NAPG: variants seen among roughly 807,000 people sequenced by gnomAD.
NAPG encodes the protein gamma-soluble NSF attachment protein.
In NAPG, 25 loss-of-function variants were observed where a neutral mutation model predicts 48.4. That is an observed-to-expected ratio of 0.52 (90% CI 0.38 to 0.72). The LOEUF (loss-of-function observed/expected upper bound fraction) is 0.72. Among genes scored for constraint, NAPG ranks in the 30% least tolerant of loss-of-function variants. NAPG has a pLI of 0.00. For synonymous variants in NAPG, 139 were observed against 127.2 expected (o/e 1.09, Z -0.62); for missense variants, 359 against 372.5 (o/e 0.96, Z 0.30).
chr18:10,537,449 A>C (rs2032058678), intron 5 of NAPG, among the ~76,000 whole-genome samples: 1 of 152,206 alleles, frequency 6.6e-6, no homozygotes, highest in African/African-American at 2.4e-5. Flanking sequence ...CTTCATCCTC[A>C]TCATAGTCTT....
chr18:10,529,552 G>A (rs539132179), intron 1 of NAPG, among the ~76,000 whole-genome samples: 11 of 152,194 alleles, frequency 7.2e-5, no homozygotes, highest in Admixed American at 1.3e-4. Flanking sequence ...CCAGGAGTTC[G>A]AGACCACCTG....
chr18:10,541,004 G>C (rs942340154), intron 8 of NAPG, among the ~76,000 whole-genome samples: 6 of 152,132 alleles, frequency 3.9e-5, no homozygotes, highest in Admixed American at 3.9e-4. Flanking sequence ...TAAGTCTGCA[G>C]ATATCTTAAT....
Position 10,539,706 on chromosome 18 carries a change from T to G in NAPG, c.259-56T>G. On this transcript the variant is annotated intron_variant, in intron 5 of 11. Transcript: ENST00000322897. The surrounding 1 kb of genome is among the most constrained non-coding windows in gnomAD (Gnocchi z 4.7). ...TAATTGCATTTCAGATTGTTAACTC[T>G]GTTTTTCTTTAATTGATGCATTTGC... 1 of 1,320,354 alleles carries G rather than the reference T, an allele frequency of 7.6e-7. No homozygotes were observed. The highest frequency in any genetic ancestry group is 1.1e-6 in the Non-Finnish European group (1 of 922,742). 81.8% of individuals were successfully genotyped at this position (1,320,354 alleles called of 1,614,324 possible).
intron 5 of NAPG, among the ~76,000 whole-genome samples, chr18:10,535,926 A>T (rs2032022629): frequency 6.6e-6 from 1 of 152,132 alleles, no homozygotes; most frequent in Non-Finnish European, 1.5e-5. Flanking sequence ...GAAACCATAG[A>T]GTTTCTCTTA....
Position 10,539,821 on chromosome 18 carries a change from A to G in NAPG, c.318A>G (p.Leu106=). 1 of 1,614,056 alleles carries G rather than the reference A, an allele frequency of 6.2e-7. No homozygotes were observed. The highest frequency in any genetic ancestry group is 1.1e-5 in the South Asian group (1 of 91,086). ...TTGAGAAGGCCAGCATGATGTATCTAGAAAACGGCACCCCAGACACAGCAG... is the reference window on the plus strand; with the variant it reads ...TTGAGAAGGCCAGCATGATGTATCTGGAAAACGGCACCCCAGACACAGCAG... The part of the protein sequence containing the change: ...QLIEKASMMY[L]ENGTPDTAAM... Residue 106 remains leucine (L), a synonymous_variant, in exon 6 of 12, where the codon CTA becomes CTG. Transcript: ENST00000322897. The surrounding 1 kb of genome is among the most constrained non-coding windows in gnomAD (Gnocchi z 4.7).
chr18:10,548,535 A>C lies in NAPG; in HGVS notation c.665+157A>C, dbSNP rs1274027313. ...TTTCATCTTTTACAGTGGGTGTTTT[A>C]CACCTTTTTTTTTTTTCCCTTTCCT... On this transcript the variant is annotated intron_variant, in intron 10 of 11. Transcript: ENST00000322897. This position sits in a 1 kb window ranked among gnomAD's most constrained non-coding sequence, Gnocchi z 4.4. Among the ~76,000 whole-genome samples, 1 of 148,772 alleles carries C rather than the reference A, an allele frequency of 6.7e-6. No homozygotes were observed. Among genetic ancestry groups the C allele is most frequent in the African/African-American group, 2.5e-5 (1 of 39,664 alleles).
rs569432143 is a variant in NAPG, at chr18:10,543,495, C to G, written c.507-2831C>G. Among the ~76,000 whole-genome samples, 1 of 152,094 alleles carries G rather than the reference C, an allele frequency of 6.6e-6. No individual in the cohort carries two copies. Among genetic ancestry groups the G allele is most frequent in the Non-Finnish European group, 1.5e-5 (1 of 68,030 alleles). On this transcript the variant is annotated intron_variant, in intron 8 of 11. Transcript: ENST00000322897. This position sits in a 1 kb window ranked among gnomAD's most constrained non-coding sequence, Gnocchi z 4.4. ...TTATCAGTGATGATAATAAACTTAG[C>G]TGGGAATATGACACATAAACTAAAC...
intron 1 of NAPG, among the ~76,000 whole-genome samples, chr18:10,527,341 A>G (rs928072750): frequency 6.6e-6 from 1 of 152,210 alleles, no homozygotes; most frequent in East Asian, 1.9e-4. Flanking sequence ...GGGAAGCCTC[A>G]TAACGACTTG....
Position 10,548,595 on chromosome 18 carries a change from T to G in NAPG, c.665+217T>G, listed in dbSNP as rs1279874092. Among the ~76,000 whole-genome samples the G allele has an allele frequency of 6.6e-6, 1 of 151,806 alleles. No individual in the cohort carries two copies. The highest frequency in any genetic ancestry group is 1.5e-5 in the Non-Finnish European group (1 of 67,970). On this transcript the variant is annotated intron_variant, in intron 10 of 11. Transcript: ENST00000322897. The surrounding 1 kb of genome is among the most constrained non-coding windows in gnomAD (Gnocchi z 4.4). ...TCTAGGGGACCTCCATGGAAGTGAATGACTTTAGTCATTTTAGTCATTTTA... is the reference window on the plus strand; with the variant it reads ...TCTAGGGGACCTCCATGGAAGTGAAGGACTTTAGTCATTTTAGTCATTTTA...
In NAPG at chr18:10,534,523, GTGTAGGTAAAA is replaced by G; in HGVS notation, c.258+30_258+40del. On this transcript the variant is annotated intron_variant, in intron 5 of 11. Coordinates refer to ENST00000322897, the MANE Select transcript of NAPG (RefSeq NM_003826.3). This position sits in a 1 kb window ranked among gnomAD's most constrained non-coding sequence, Gnocchi z 5.0. ...TCAGTAATGTTATGTCACAATTGTT[GTGTAGGTAAAA>G]TGAATTAACTACAAGGTGTTAAACA... 1 of 1,610,120 alleles carries G rather than the reference GTGTAGGTAAAA, an allele frequency of 6.2e-7. No individual in the cohort carries two copies. Among genetic ancestry groups the G allele is most frequent in the Non-Finnish European group, 8.5e-7 (1 of 1,176,676 alleles).
At position 10,550,149 on chromosome 18, in the gene NAPG, G is replaced by A. The variant is rs1424720628; in HGVS notation, c.868G>A (p.Ala290Thr). 4 of 1,583,990 alleles carry A rather than the reference G, an allele frequency of 2.5e-6. No homozygotes were observed. The highest frequency in any genetic ancestry group is 3.4e-6 in the Non-Finnish European group (4 of 1,167,430). ...IKKKSPATPQAKPDGVTATAA... is the reference protein window; with the variant it reads ...IKKKSPATPQTKPDGVTATAA... ...GAAGAAATCACCTGCAACACCACAG[G>A]CCAAGCCTGATGGTGTCACTGCCAC... Residue 290 changes from alanine (A) to threonine (T), a missense_variant, in exon 12 of 12, where the codon GCC becomes ACC. Transcript: ENST00000322897.
In NAPG at chr18:10,548,717, A is replaced by G. The variant is rs938087443; in HGVS notation, c.666-250A>G. 6.6e-6 allele frequency among the ~76,000 whole-genome samples: 1 copy of G among 152,160 alleles called. No individual in the cohort carries two copies. The highest frequency in any genetic ancestry group is 6.5e-5 in the Admixed American group (1 of 15,274). On this transcript the variant is annotated intron_variant, in intron 10 of 11. Coordinates refer to ENST00000322897, the MANE Select transcript of NAPG (RefSeq NM_003826.3). This position sits in a 1 kb window ranked among gnomAD's most constrained non-coding sequence, Gnocchi z 4.4. ...ATGAGGAATTTTCTCGGTGTTTAAC[A>G]TGAGCAGTCTTAATCTCAACACTGT...
chr18:10,538,984 A>G (rs1190933889), intron 5 of NAPG: 1 of 152,216 alleles, frequency 6.6e-6, no homozygotes, highest in African/African-American at 2.4e-5. Context: ...GGTGATGATT[A>G]AGAAGTCAGG....
At position 10,552,343 on chromosome 18, in the gene NAPG, T is replaced by C. The variant is rs1043987456; in HGVS notation, c.*2123T>C. ...ACCAGGACTTGGGGATATTGTTTGT[T>C]GTCAGGGTTATTCTGTGTGGTAAGG... On this transcript the variant is annotated 3_prime_UTR_variant, in exon 12 of 12. Transcript: ENST00000322897. 1 of 152,246 alleles carries C rather than the reference T, an allele frequency of 6.6e-6. No individual in the cohort carries two copies. Among genetic ancestry groups the C allele is most frequent in the Non-Finnish European group, 1.5e-5 (1 of 68,050 alleles). The allele number at this position is 152,246 out of a possible 1,614,324, so 9.4% of individuals were successfully genotyped here. A position where few individuals can be genotyped will look rare whatever the true frequency, so the allele number is the denominator to read the frequency against.
rs987469999 is a variant in NAPG at position 10,535,558 on chromosome 18, C to T, written c.258+1062C>T. Among the ~76,000 whole-genome samples, 5 of 152,214 alleles carry T rather than the reference C, an allele frequency of 3.3e-5. No homozygotes were observed. The South Asian group carries it at 6.2e-4, about 19-fold the overall frequency. ...GGTGGATTACCTGAGATCAGGAGTT[C>T]GAGACCAGCCTGGCCAACATGGTGA... is the stretch of plus-strand genomic sequence containing the variant. On this transcript the variant is annotated intron_variant, in intron 5 of 11. Coordinates refer to ENST00000322897, the MANE Select transcript of NAPG (RefSeq NM_003826.3).
rs1406067913 is a variant in NAPG, at chr18:10,540,055, G to A, written c.435+1G>A. On this transcript the variant is annotated splice_donor_variant, in intron 7 of 11. Coordinates refer to ENST00000322897, the MANE Select transcript of NAPG (RefSeq NM_003826.3). LOFTEE classifies it high-confidence loss of function. ...TCAACAGACAGCTAATGTGTTTGAAGTAAGTTTGAATCTTATTTTTTTCTT... is the reference window on the plus strand; with the variant it reads ...TCAACAGACAGCTAATGTGTTTGAAATAAGTTTGAATCTTATTTTTTTCTT... 1 of 1,562,598 alleles carries A rather than the reference G, an allele frequency of 6.4e-7. No homozygotes were observed. The highest frequency in any genetic ancestry group is 1.2e-5 in the South Asian group (1 of 84,518).
intron 5 of NAPG, among the ~76,000 whole-genome samples, chr18:10,538,504 T>G (rs953444265): frequency 3.9e-5 from 6 of 152,206 alleles, no homozygotes; most frequent in Admixed American, 2.0e-4. Flanking sequence ...GGGCTGCCAG[T>G]TTGTGATCCT....
intron 5 of NAPG, among the ~76,000 whole-genome samples, chr18:10,536,057 C>G (rs2032025727): frequency 6.6e-6 from 1 of 152,132 alleles, no homozygotes; most frequent in Admixed American, 6.5e-5. Flanking sequence ...AAGAAATGCT[C>G]AAACACTCTA....
chr18:10,526,246 GA>G, intron 1 of NAPG, 88 bp downstream of exon 1: 5 of 490,184 alleles, frequency 1.0e-5, no homozygotes, highest in Non-Finnish European at 1.7e-5. Context: ...GGGCGGGAGG[GA>G]GGGCTCAGGG....
Sources: allele counts gnomAD v4.1 joint callset (sites outside exome capture counted in the v4.1 genomes callset), GRCh38; gene constraint gnomAD v4.1.1; non-coding constraint Gnocchi (gnomAD v3.1); transcripts MANE v1.5; gene names NCBI Gene and HGNC (gene_info 2026-07-23, HGNC 2026-07-21).